Variants in GALNTL6 observed in about 807,000 individuals in gnomAD.
The protein encoded by GALNTL6 is polypeptide N-acetylgalactosaminyltransferase like 6.
GALNTL6 carries 46 observed loss-of-function variants against 73.7 expected under a neutral mutation model. That is an observed-to-expected ratio of 0.62 (90% CI 0.49 to 0.80). The LOEUF is 0.80. Among genes scored for constraint, GALNTL6 ranks in the 30% least tolerant of loss-of-function variants. The pLI, the probability that GALNTL6 is intolerant of heterozygous loss-of-function variation, is 0.00. For missense variants in GALNTL6, 604 were observed against 755.0 expected (o/e 0.80, Z 2.34); for synonymous variants, 259 against 263.7 (o/e 0.98, Z 0.17).
At chr4:172,176,626 C>T (rs375926394) in intron 2 of GALNTL6, among the ~76,000 whole-genome samples, 4 of 151,614 alleles carry the variant, frequency 2.6e-5, no homozygotes, top group East Asian at 3.9e-4. Flanking sequence ...TCTGCCTCAA[C>T]AAAAAATTAA....
intron 5 of GALNTL6, among the ~76,000 whole-genome samples, chr4:172,365,016 T>C (rs1007228176): frequency 6.6e-6 from 1 of 152,066 alleles, no homozygotes; most frequent in East Asian, 1.9e-4. Context: ...GAATATACAA[T>C]AGTAGGATGT....
intron 5 of GALNTL6, among the ~76,000 whole-genome samples, chr4:172,562,649 C>T (rs982732504): frequency 6.6e-6 from 1 of 152,202 alleles, no homozygotes; most frequent in South Asian, 2.1e-4. Flanking sequence ...CATAAGGTAT[C>T]GATCTTGCCT....
intron 3 of GALNTL6, among the ~76,000 whole-genome samples, chr4:172,282,264 T>A (rs914215876): frequency 2.8e-4 from 43 of 152,164 alleles, no homozygotes; most frequent in African/African-American, 1.0e-3. Context: ...GATATCCACG[T>A]ACGTATGAAC....
chr4:172,610,708 G>A (rs1336121143), intron 5 of GALNTL6, among the ~76,000 whole-genome samples: 1 of 151,996 alleles, frequency 6.6e-6, no homozygotes, highest in African/African-American at 2.4e-5. Context: ...GGTCCATTTG[G>A]TCAAGTGTTG....
At chr4:172,171,627 G>A (rs374114890) in intron 2 of GALNTL6, among the ~76,000 whole-genome samples, 107 of 150,148 alleles carry the variant, frequency 7.1e-4, no homozygotes, top group African/African-American at 2.5e-3. Flanking sequence ...TCAGGAGTTC[G>A]AGAGCAGCCC....
chr4:173,032,304 A>G (rs1035984818), intron 12 of GALNTL6, among the ~76,000 whole-genome samples: 13 of 152,204 alleles, frequency 8.5e-5, no homozygotes, highest in African/African-American at 3.1e-4. Flanking sequence ...AAAAAGAATT[A>G]GCCGGGCGTG....
chr4:172,117,666 C>T (rs769381675), intron 2 of GALNTL6, among the ~76,000 whole-genome samples: 1 of 151,998 alleles, frequency 6.6e-6, no homozygotes, highest in Non-Finnish European at 1.5e-5. Flanking sequence ...TGTCCATCAA[C>T]AGGAGGACGT....
chr4:172,503,546 ATATG>A (rs202227750), intron 5 of GALNTL6, among the ~76,000 whole-genome samples: 794 of 53,456 alleles, frequency 0.015, 5 homozygotes, highest in South Asian at 0.092. Context: ...ATATATATAT[ATATG>A]TATTAGTTTT....
intron 2 of GALNTL6, among the ~76,000 whole-genome samples, chr4:172,149,380 AAGCCATGACCTATGGGACATATCTTGC>A (rs1325399365): frequency 2.0e-5 from 3 of 152,114 alleles, no homozygotes; most frequent in Non-Finnish European, 4.4e-5. Flanking sequence ...GGACATATTG[AAGCCATGACCTATGGGACATATCTTGC>A]AGCCATGACC....
chr4:172,277,426 A>G (rs950578939), intron 3 of GALNTL6, among the ~76,000 whole-genome samples: 2 of 152,122 alleles, frequency 1.3e-5, no homozygotes, highest in African/African-American at 2.4e-5. Context: ...GGCAGCCCCC[A>G]AAAGTGTTTT....
At chr4:172,382,961 A>G (rs1743338519) in intron 5 of GALNTL6, among the ~76,000 whole-genome samples, 1 of 152,148 alleles carries the variant, frequency 6.6e-6, no homozygotes. Flanking sequence ...CATAAATGTA[A>G]GCTATATTTC....
intron 2 of GALNTL6, among the ~76,000 whole-genome samples, chr4:171,995,564 T>C (rs1342368726): frequency 6.6e-6 from 1 of 151,852 alleles, no homozygotes; most frequent in Non-Finnish European, 1.5e-5. Context: ...CAAAAACCAG[T>C]GAAAAAAGAG....
chr4:172,855,727 C>T (rs1270838001), intron 7 of GALNTL6, among the ~76,000 whole-genome samples: 2 of 152,122 alleles, frequency 1.3e-5, no homozygotes, highest in South Asian at 2.1e-4. Flanking sequence ...CTACCAACAC[C>T]CCAGAATTTC....
chr4:171,870,973 G>A (rs187034320), intron 2 of GALNTL6, among the ~76,000 whole-genome samples: 6 of 152,250 alleles, frequency 3.9e-5, no homozygotes, highest in Admixed American at 6.5e-5. Flanking sequence ...TGTTATAGAA[G>A]CTCTAATAAA....
intron 5 of GALNTL6, among the ~76,000 whole-genome samples, chr4:172,621,320 A>G (rs532431574): frequency 1.3e-5 from 2 of 152,282 alleles, no homozygotes; most frequent in South Asian, 2.1e-4. Flanking sequence ...CTCCTAAAGC[A>G]CTGGGATTAC....
intron 5 of GALNTL6, among the ~76,000 whole-genome samples, chr4:172,720,078 A>G (rs1364797320): frequency 6.6e-6 from 1 of 151,688 alleles, no homozygotes; most frequent in Non-Finnish European, 1.5e-5. Context: ...GGTCTTTATG[A>G]CCTATATTTT....
At chr4:171,823,130 G>T (rs1348742126) in intron 2 of GALNTL6, among the ~76,000 whole-genome samples, 3 of 151,972 alleles carry the variant, frequency 2.0e-5, no homozygotes, top group Non-Finnish European at 4.4e-5. Flanking sequence ...ATTTGTCCCT[G>T]GTATTCTCTT....
intron 3 of GALNTL6, among the ~76,000 whole-genome samples, chr4:172,248,939 T>A (rs1737753465): frequency 6.6e-6 from 1 of 152,168 alleles, no homozygotes; most frequent in African/African-American, 2.4e-5. Flanking sequence ...GTCTCAGGTA[T>A]TTCTTCATAG....
At chr4:172,628,618 G>C (rs990496430) in intron 5 of GALNTL6, among the ~76,000 whole-genome samples, 6 of 151,740 alleles carry the variant, frequency 4.0e-5, no homozygotes, top group African/African-American at 1.2e-4. Context: ...GCTTCTTTGT[G>C]CCCATAGGTG....
Sources: allele counts gnomAD v4.1 joint callset (sites outside exome capture counted in the v4.1 genomes callset), GRCh38; gene constraint gnomAD v4.1.1; transcripts MANE v1.5; gene names NCBI Gene and HGNC (gene_info 2026-07-23, HGNC 2026-07-21).